The following NCKAP5 variants were observed in gnomAD, a reference collection of about 807,000 sequenced individuals.
NCKAP5 encodes nck-associated protein 5.
NCKAP5 carries 92 observed loss-of-function variants against 167.0 expected under a neutral mutation model. That is an observed-to-expected ratio of 0.55 (90% CI 0.47 to 0.66). The LOEUF (loss-of-function observed/expected upper bound fraction) is 0.66. Ranked by LOEUF, NCKAP5 falls within the 30% of genes least tolerant of loss-of-function variation. The pLI, the probability that NCKAP5 is intolerant of heterozygous loss-of-function variation, is 0.00. For missense variants in NCKAP5, 2,378 were observed against 2,315.0 expected (o/e 1.03, Z -0.56); for synonymous variants, 891 against 877.4 (o/e 1.02, Z -0.27).
At chr2:133,560,283 A>G (rs1688063961) in intron 1 of NCKAP5, among the ~76,000 whole-genome samples, 1 of 152,228 alleles carries the variant, frequency 6.6e-6, no homozygotes, top group Non-Finnish European at 1.5e-5. Flanking sequence ...CAAATATTTG[A>G]TGGACGCCTA....
intron 8 of NCKAP5, among the ~76,000 whole-genome samples, chr2:132,909,307 C>T (rs1694252258): frequency 6.6e-6 from 1 of 152,100 alleles, no homozygotes; most frequent in Non-Finnish European, 1.5e-5. Flanking sequence ...GATGGCACCA[C>T]TGTACTCCAG....
At chr2:132,914,845 G>A (rs991952598) in intron 8 of NCKAP5, among the ~76,000 whole-genome samples, 1 of 151,890 alleles carries the variant, frequency 6.6e-6, no homozygotes, top group Non-Finnish European at 1.5e-5. Flanking sequence ...GATAGCCCTG[G>A]ATATGTGTGT....
At chr2:132,986,773 C>G (rs2077301860) in intron 7 of NCKAP5, among the ~76,000 whole-genome samples, 1 of 152,088 alleles carries the variant, frequency 6.6e-6, no homozygotes, top group African/African-American at 2.4e-5. Flanking sequence ...TTAAAGTATA[C>G]TTAAATCATT....
chr2:133,510,978 C>CTAT (rs1427268159), intron 3 of NCKAP5, among the ~76,000 whole-genome samples: 1 of 152,174 alleles, frequency 6.6e-6, no homozygotes, highest in Non-Finnish European at 1.5e-5. Flanking sequence ...CATGCCTAGC[C>CTAT]TATATTAAGC....
At chr2:133,553,769 A>G (rs1326370011) in intron 2 of NCKAP5, among the ~76,000 whole-genome samples, 1 of 152,246 alleles carries the variant, frequency 6.6e-6, no homozygotes, top group Non-Finnish European at 1.5e-5. Context: ...AAGAGGCTAT[A>G]TACATAATAA....
chr2:132,905,928 G>C (rs188839611), intron 8 of NCKAP5, among the ~76,000 whole-genome samples: 77 of 152,176 alleles, frequency 5.1e-4, no homozygotes, highest in African/African-American at 1.8e-3. Context: ...ATGAAGGGAC[G>C]CAGCAGAACT....
the NCKAP5 span, among the ~76,000 whole-genome samples, chr2:133,662,992 C>T: frequency 1.3e-5 from 2 of 152,190 alleles, no homozygotes; most frequent in South Asian, 2.1e-4. Context: ...CGGGGCCGGG[C>T]GCGGTGGCTC....
At chr2:133,510,224 C>G (rs1238858146) in intron 3 of NCKAP5, among the ~76,000 whole-genome samples, 2 of 152,192 alleles carry the variant, frequency 1.3e-5, no homozygotes, top group Non-Finnish European at 2.9e-5. Context: ...ATAAACCCCA[C>G]TGCATGCTGG....
chr2:132,789,506 C>T (rs1464909496), intron 13 of NCKAP5, among the ~76,000 whole-genome samples: 2 of 152,176 alleles, frequency 1.3e-5, no homozygotes, highest in Non-Finnish European at 2.9e-5. Context: ...CTGCTAAAAC[C>T]ATGAACTAAA....
At chr2:132,883,316 C>A (rs567049765) in intron 8 of NCKAP5, among the ~76,000 whole-genome samples, 1 of 152,026 alleles carries the variant, frequency 6.6e-6, no homozygotes, top group East Asian at 1.9e-4. Flanking sequence ...TTTTTTCCTG[C>A]TATTTTATTA....
At chr2:133,400,496 AAGG>A (rs1688029025) in intron 3 of NCKAP5, among the ~76,000 whole-genome samples, 1 of 152,120 alleles carries the variant, frequency 6.6e-6, no homozygotes, top group Admixed American at 6.5e-5. Context: ...GAGAAGTGAG[AAGG>A]AGAAGATGAC....
the NCKAP5 span, among the ~76,000 whole-genome samples, chr2:133,574,536 G>T: frequency 2.0e-5 from 3 of 152,096 alleles, no homozygotes; most frequent in South Asian, 6.2e-4. Context: ...GACAAAAATG[G>T]GAGTGGTGGC....
chr2:133,404,839 T>C (rs1688322465), intron 3 of NCKAP5, among the ~76,000 whole-genome samples: 1 of 152,214 alleles, frequency 6.6e-6, no homozygotes, highest in African/African-American at 2.4e-5. Context: ...TCTTTAGCCA[T>C]CATTTTTACC....
In NCKAP5 at chr2:132,731,925, A is replaced by C; in HGVS notation, c.5255T>G (p.Leu1752Arg). ...TGCAGAAAGGGCTGACTGGAGAGGC[A>C]GGAGAGGCTCAGCGTCCTCTGGGGA... ...PDSPEDAEPLLPLQSALSAVS... is the reference protein window; with the variant it reads ...PDSPEDAEPLRPLQSALSAVS... The change falls in exon 17 of 20, where the codon CTG (leucine) becomes CGG (arginine). Residue 1752 changes from leucine to arginine, a missense_variant. This residue lies in a region of NCKAP5 where 1,325 missense variants were observed against 1,274.5 expected (regional missense o/e 1.04). Transcript: ENST00000409261. 6.2e-7 allele frequency: 1 copy of C among 1,613,968 alleles called. No individual in the cohort carries two copies. The highest frequency in any genetic ancestry group is 1.1e-5 in the South Asian group (1 of 91,082).
the NCKAP5 span, among the ~76,000 whole-genome samples, chr2:133,671,273 G>A: frequency 2.4e-4 from 36 of 150,690 alleles, no homozygotes; most frequent in African/African-American, 7.8e-4. Flanking sequence ...TGGTGGAGGA[G>A]ATGAGAGCAG....
intron 11 of NCKAP5, among the ~76,000 whole-genome samples, chr2:132,839,439 G>A (rs915865658): frequency 3.3e-5 from 5 of 152,092 alleles, no homozygotes; most frequent in Admixed American, 1.3e-4. Context: ...TGTCAACAAC[G>A]TGAGGGTTAG....
chr2:133,457,752 T>C (rs965438014), intron 3 of NCKAP5, among the ~76,000 whole-genome samples: 1 of 152,162 alleles, frequency 6.6e-6, no homozygotes, highest in African/African-American at 2.4e-5. Flanking sequence ...GGCCAGTTTT[T>C]CTCCCTCTCC....
rs1312601456 is a variant in NCKAP5, at chr2:133,390,635, C to CGGG, written c.70-87526_70-87525insCCC. Among the ~76,000 whole-genome samples, 8 of 152,332 alleles carry CGGG rather than the reference C, an allele frequency of 5.3e-5. 1 individual carries two copies. The highest frequency in any genetic ancestry group is 1.9e-4 in the African/African-American group (8 of 41,578). ...GACTGCCATCTCACCAACTTTTCATCAGCCTCTAATTTCCCCTAGAGTAGT... is the reference window on the plus strand; with the variant it reads ...GACTGCCATCTCACCAACTTTTCATCGGGAGCCTCTAATTTCCCCTAGAGTAGT... On this transcript the variant is annotated intron_variant, in intron 3 of 19. Coordinates refer to ENST00000409261, the MANE Select transcript of NCKAP5 (RefSeq NM_207363.3).
intron 6 of NCKAP5, 142 bp downstream of exon 6, chr2:133,129,836 G>T: frequency 1.0e-6 from 1 of 956,354 alleles, no homozygotes; most frequent in Non-Finnish European, 1.4e-6. Context: ...GGATGCTTCA[G>T]TCAGAACAGA....
Sources: gnomAD v4.1 joint callset for allele counts (sites outside exome capture counted in the v4.1 genomes callset) on GRCh38, gnomAD v4.1.1 for gene constraint, gnomAD v4.1.1 regional missense constraint, MANE v1.5 for transcripts, NCBI Gene and HGNC (gene_info 2026-07-23, HGNC 2026-07-21) for gene names.